RPS6KB1: variants seen among roughly 807,000 people sequenced by gnomAD.
RPS6KB1 encodes the protein ribosomal protein S6 kinase beta-1.
A neutral mutation model predicts 70.2 loss-of-function variants in RPS6KB1; 12 were observed. That is an observed-to-expected ratio of 0.17 (90% CI 0.11 to 0.28). RPS6KB1 has a LOEUF of 0.28. RPS6KB1 is among the 10% of genes least tolerant of loss of function. RPS6KB1 has a pLI of 1.00. For missense variants in RPS6KB1, 270 were observed against 646.6 expected (o/e 0.42, Z 6.32); for synonymous variants, 175 against 211.2 (o/e 0.83, Z 1.49).
intron 5 of RPS6KB1, among the ~76,000 whole-genome samples, chr17:59,926,787 A>G (rs2043632436): frequency 1.3e-5 from 2 of 152,144 alleles, no homozygotes; most frequent in African/African-American, 4.8e-5. Context: ...TTTTTCCCTC[A>G]TCTGTAAAAT....
rs1306881654 is a variant in RPS6KB1 at position 59,934,446 on chromosome 17, C to G, written c.792C>G (p.Ile264Met). 6.2e-7 allele frequency: 1 copy of G among 1,613,602 alleles called. No homozygotes were observed. Residue 264 changes from isoleucine (I) to methionine (M), a missense_variant, in exon 9 of 15, where the codon ATC (isoleucine) becomes ATG (methionine). Transcript: ENST00000225577. This position sits in a 1 kb window ranked among gnomAD's most constrained non-coding sequence, Gnocchi z 4.8. Reference sequence around the variant, plus strand: ...TTCCTCATTGTAGGGCCCCTGAAATCTTGATGAGAAGTGGCCACAATCGTG... The same window carrying G: ...TTCCTCATTGTAGGGCCCCTGAAATGTTGATGAGAAGTGGCCACAATCGTG... ...CGTIEYMAPE[I>M]LMRSGHNRAV...
At chr17:59,933,870 G>A (rs1402214633) in intron 7 of RPS6KB1, among the ~76,000 whole-genome samples, 2 of 152,100 alleles carry the variant, frequency 1.3e-5, no homozygotes, top group Non-Finnish European at 2.9e-5. Flanking sequence ...TCTTTTTCAG[G>A]ATGGTAGAGA....
At chr17:59,932,380 C>G (rs2043973652) in intron 7 of RPS6KB1, among the ~76,000 whole-genome samples, 1 of 152,068 alleles carries the variant, frequency 6.6e-6, no homozygotes, top group Admixed American at 6.6e-5. Flanking sequence ...ACATTATACT[C>G]CAGCCTGAGT....
intron 4 of RPS6KB1, 84 bp downstream of exon 4, chr17:59,914,787 C>A (rs202242199): frequency 1.5e-6 from 1 of 674,734 alleles, no homozygotes; most frequent in Non-Finnish European, 2.2e-6. Flanking sequence ...GCAATCATAT[C>A]ATATTTTTAA....
In RPS6KB1 at chr17:59,910,553, A is replaced by AT. The variant is rs1317851703; in HGVS notation, c.142-4dup. 2 of 1,564,440 alleles carry AT rather than the reference A, an allele frequency of 1.3e-6. No homozygotes were observed. Among genetic ancestry groups the AT allele is most frequent in the African/African-American group, 1.4e-5 (1 of 73,556 alleles). ...AGATTATTTCTGAAACTTTTAACAT[A>AT]TTTTTCAGGGTCAGTTAAATGAAAG... On this transcript the variant is annotated splice_polypyrimidine_tract_variant and intron_variant, in intron 1 of 14. Coordinates refer to ENST00000225577, the MANE Select transcript of RPS6KB1 (RefSeq NM_003161.4).
intron 5 of RPS6KB1, among the ~76,000 whole-genome samples, chr17:59,928,199 C>T (rs1408441736): frequency 4.6e-5 from 7 of 151,920 alleles, no homozygotes; most frequent in South Asian, 4.2e-4. Flanking sequence ...CTATATATTT[C>T]TCACCTAGAT....
chr17:59,933,026 C>G (rs561226220), intron 7 of RPS6KB1, among the ~76,000 whole-genome samples: 1 of 152,120 alleles, frequency 6.6e-6, no homozygotes, highest in Non-Finnish European at 1.5e-5. Flanking sequence ...GCAATTCACT[C>G]GTACCCCAAA....
intron 1 of RPS6KB1, among the ~76,000 whole-genome samples, chr17:59,894,170 C>A (rs2041353574): frequency 6.6e-6 from 1 of 152,086 alleles, no homozygotes; most frequent in Admixed American, 6.6e-5. Flanking sequence ...GCTTTCCTTG[C>A]TGTAATTTAG....
At chr17:59,926,366 A>T (rs2144920073) in intron 4 of RPS6KB1, 69 bp from the exon 5 acceptor site, 1 of 1,167,932 alleles carries the variant, frequency 8.6e-7, no homozygotes, top group Non-Finnish European at 1.2e-6. Context: ...AATAGATTTT[A>T]GAATAAAATA....
chr17:59,942,343 G>T (rs2044663881), intron 13 of RPS6KB1, among the ~76,000 whole-genome samples: 1 of 152,234 alleles, frequency 6.6e-6, no homozygotes, highest in Admixed American at 6.5e-5. Flanking sequence ...TGTCTGTATA[G>T]ATTTATAGCT....
In RPS6KB1 at chr17:59,926,557, C is replaced by G; in HGVS notation, c.504C>G (p.Leu168=). 1 of 1,612,250 alleles carries G rather than the reference C, an allele frequency of 6.2e-7. No homozygotes were observed. The change falls in exon 5 of 15, where the codon CTC becomes CTG. Residue 168 remains leucine (L), a synonymous_variant. Coordinates refer to ENST00000225577, the MANE Select transcript of RPS6KB1 (RefSeq NM_003161.4). ...ATGCCTTTCAGACTGGTGGAAAACT[C>G]TACCTCATCCTTGAGTATCTCAGTG... is the stretch of plus-strand genomic sequence containing the variant. ...LIYAFQTGGK[L]YLILEYLSGG... is the part of the protein sequence containing the mutation.
chr17:59,934,842 AAC>A lies in RPS6KB1; in HGVS notation c.870+322_870+323del, dbSNP rs1255038941. The A allele has an allele frequency of 7.9e-6, 3 of 379,764 alleles. No homozygotes were observed. The highest frequency in any genetic ancestry group is 1.4e-5 in the Non-Finnish European group (3 of 210,588). 23.5% of individuals were successfully genotyped at this position (379,764 alleles called of 1,614,324 possible). Reference sequence around the variant, plus strand: ...TATCACACAGAAAGTTAATGGTGGAAACACAGGCTTCCTTCCAGGACACTGCT... The same window carrying A: ...TATCACACAGAAAGTTAATGGTGGAAACAGGCTTCCTTCCAGGACACTGCT... On this transcript the variant is annotated intron_variant, in intron 9 of 14. Transcript: ENST00000225577. This position sits in a 1 kb window ranked among gnomAD's most constrained non-coding sequence, Gnocchi z 4.8.
At chr17:59,913,831 G>C (rs765178083) in intron 3 of RPS6KB1, 1 of 152,152 alleles carries the variant, frequency 6.6e-6, no homozygotes, top group Non-Finnish European at 1.5e-5. Context: ...CTCCCGAGTA[G>C]CTGGGATTAC....
chr17:59,893,367 G>T lies in RPS6KB1; in HGVS notation c.141+42G>T. On this transcript the variant is annotated intron_variant, in intron 1 of 14. Coordinates refer to ENST00000225577, the MANE Select transcript of RPS6KB1 (RefSeq NM_003161.4). The surrounding 1 kb of genome is among the most constrained non-coding windows in gnomAD (Gnocchi z 4.1). The stretch of plus-strand genomic sequence containing the variant: ...CCGGGGGCCCGAGGTGACAGGGCCG[G>T]GGCGGCGGCGCGGGCTCAGGAAGCG... 6.4e-7 allele frequency: 1 copy of T among 1,561,184 alleles called. No homozygotes were observed. The highest frequency in any genetic ancestry group is 8.7e-7 in the Non-Finnish European group (1 of 1,151,524).
chr17:59,901,933 C>T (rs1048221495), intron 1 of RPS6KB1, among the ~76,000 whole-genome samples: 2 of 148,296 alleles, frequency 1.3e-5, no homozygotes, highest in South Asian at 2.1e-4. Flanking sequence ...GTTGGAGGAT[C>T]GCTTGAGTCT....
At chr17:59,898,216 A>T (rs1057307478) in intron 1 of RPS6KB1, among the ~76,000 whole-genome samples, 9 of 152,138 alleles carry the variant, frequency 5.9e-5, no homozygotes, top group Non-Finnish European at 1.2e-4. Context: ...AATGCAATTT[A>T]AAAAATTCTC....
chr17:59,901,230 A>G (rs1468921340), intron 1 of RPS6KB1, among the ~76,000 whole-genome samples: 1 of 150,634 alleles, frequency 6.6e-6, no homozygotes, highest in Admixed American at 6.6e-5. Flanking sequence ...GCTCACTGCA[A>G]GCTCCGCCTC....
At chr17:59,915,018 G>A (rs567893873) in intron 4 of RPS6KB1, among the ~76,000 whole-genome samples, 3 of 149,968 alleles carry the variant, frequency 2.0e-5, no homozygotes, top group Non-Finnish European at 4.4e-5. Context: ...AGACGTAGTC[G>A]CGCTCTGTCG....
chr17:59,907,554 T>G (rs1199436181), intron 1 of RPS6KB1: 6 of 152,152 alleles, frequency 3.9e-5, no homozygotes, highest in African/African-American at 1.5e-4. Flanking sequence ...TTTTTTTTTT[T>G]TGAGACAGGG....
Sources: gnomAD v4.1 joint callset for allele counts (sites outside exome capture counted in the v4.1 genomes callset) on GRCh38, gnomAD v4.1.1 for gene constraint, Gnocchi (gnomAD v3.1) non-coding constraint, MANE v1.5 for transcripts, NCBI Gene and HGNC (gene_info 2026-07-23, HGNC 2026-07-21) for gene names.